Variants in THSD4 observed in about 807,000 individuals in gnomAD.
The protein encoded by THSD4 is thrombospondin type 1 domain containing 4.
THSD4 carries 69 observed loss-of-function variants against 119.0 expected under a neutral mutation model. The ratio of observed to expected loss-of-function variants is 0.58; its 90% CI spans 0.48 to 0.71. The LOEUF (loss-of-function observed/expected upper bound fraction) is 0.71. THSD4 is among the 30% of genes least tolerant of loss of function. The pLI is 0.00. For synonymous variants in THSD4, 524 were observed against 540.4 expected (o/e 0.97, Z 0.42); for missense variants, 1,393 against 1,391.1 (o/e 1.00, Z -0.02).
chr15:71,770,608 T>C (rs2053804529), intron 16 of THSD4, among the ~76,000 whole-genome samples: 1 of 152,004 alleles, frequency 6.6e-6, no homozygotes, highest in African/African-American at 2.4e-5. Flanking sequence ...CAAGCCGAGA[T>C]CACGCCACTG....
chr15:71,695,728 C>A (rs1042722143), intron 8 of THSD4, among the ~76,000 whole-genome samples: 2 of 152,162 alleles, frequency 1.3e-5, no homozygotes, highest in East Asian at 1.9e-4. Context: ...TTGCTTTCTT[C>A]TTCCTTCACA....
intron 6 of THSD4, among the ~76,000 whole-genome samples, chr15:71,333,042 T>C (rs2045446880): frequency 6.6e-6 from 1 of 151,932 alleles, no homozygotes; most frequent in Non-Finnish European, 1.5e-5. Flanking sequence ...CTAGACTCCA[T>C]TTGGGTATTC....
intron 3 of THSD4, among the ~76,000 whole-genome samples, chr15:71,210,678 A>G (rs1015309691): frequency 1.3e-5 from 2 of 152,176 alleles, no homozygotes; most frequent in African/African-American, 4.8e-5. Context: ...TAATGTTTCA[A>G]CTGAACACTT....
intron 6 of THSD4, among the ~76,000 whole-genome samples, chr15:71,302,713 C>T (rs1049872663): frequency 5.3e-5 from 8 of 152,032 alleles, no homozygotes; most frequent in Non-Finnish European, 7.4e-5. Context: ...GCAGGAAGTC[C>T]GCTTGGCTGG....
In THSD4 at chr15:71,487,305, C is replaced by T. The variant is rs1233828634; in HGVS notation, c.1152+75482C>T. Among the ~76,000 whole-genome samples, 3 of 152,198 alleles carry T rather than the reference C, an allele frequency of 2.0e-5. No individual in the cohort carries two copies. The East Asian group carries it at 5.8e-4, about 29-fold the overall frequency. ...TTGCATCAGTTCCCACTGTTGTAAG[C>T]AGGCAAGAAATTGTGTTGTTTTCCT... On this transcript the variant is annotated intron_variant, in intron 7 of 17. Transcript: ENST00000261862.
intron 5 of THSD4, among the ~76,000 whole-genome samples, chr15:71,253,189 G>C (rs548393263): frequency 6.4e-4 from 98 of 152,234 alleles, no homozygotes; most frequent in Non-Finnish European, 1.3e-3. Flanking sequence ...TTCTGCCTTA[G>C]ATGGGAACTG....
intron 16 of THSD4, 69 bp downstream of exon 16, chr15:71,765,268 C>G: frequency 6.6e-7 from 1 of 1,510,810 alleles, no homozygotes; most frequent in South Asian, 1.4e-5. Context: ...CTATAGACCC[C>G]TCTGGGCCAG....
intron 7 of THSD4, among the ~76,000 whole-genome samples, chr15:71,520,755 G>A (rs1377624719): frequency 6.6e-6 from 1 of 151,962 alleles, no homozygotes; most frequent in South Asian, 2.1e-4. Context: ...GACTAACTGA[G>A]CTCTAGACAG....
At chr15:71,367,674 A>G (rs546932616) in intron 6 of THSD4, among the ~76,000 whole-genome samples, 1 of 152,294 alleles carries the variant, frequency 6.6e-6, no homozygotes, top group African/African-American at 2.4e-5. Context: ...TTCTTAATCC[A>G]GTCTATCATT....
At chr15:71,563,274 T>G (rs988004245) in intron 7 of THSD4, among the ~76,000 whole-genome samples, 4 of 151,894 alleles carry the variant, frequency 2.6e-5, no homozygotes, top group Admixed American at 2.0e-4. Flanking sequence ...CATGGTGGAG[T>G]CTTGCTGGAG....
chr15:71,277,128 CTTTTTTT>C (rs779207517), intron 6 of THSD4, among the ~76,000 whole-genome samples: 2 of 123,020 alleles, frequency 1.6e-5, no homozygotes, highest in African/African-American at 6.7e-5. Flanking sequence ...TCTTCTTCTT[CTTTTTTT>C]TTTTTTTGAA....
intron 7 of THSD4, among the ~76,000 whole-genome samples, chr15:71,444,368 C>G (rs1326510747): frequency 6.6e-6 from 1 of 152,194 alleles, no homozygotes; most frequent in African/African-American, 2.4e-5. Context: ...CCTGAAGAGT[C>G]CCAGACTGAT....
At chr15:71,533,829 C>T (rs889123485) in intron 7 of THSD4, among the ~76,000 whole-genome samples, 3 of 152,086 alleles carry the variant, frequency 2.0e-5, no homozygotes, top group Admixed American at 6.6e-5. Flanking sequence ...ACCTACTGAT[C>T]GGGTAGGAGA....
intron 7 of THSD4, among the ~76,000 whole-genome samples, chr15:71,414,191 C>T (rs1040514835): frequency 6.6e-6 from 1 of 152,232 alleles, no homozygotes; most frequent in African/African-American, 2.4e-5. Flanking sequence ...GTACCTACGT[C>T]CTGTGTTGCG....
At chr15:71,479,287 A>G (rs954299051) in intron 7 of THSD4, among the ~76,000 whole-genome samples, 2 of 149,714 alleles carry the variant, frequency 1.3e-5, no homozygotes, top group Non-Finnish European at 2.9e-5. Flanking sequence ...CTTAAATAAC[A>G]TTCTCCATCT....
chr15:71,683,876 G>C (rs1391278376), intron 8 of THSD4, among the ~76,000 whole-genome samples: 1 of 152,148 alleles, frequency 6.6e-6, no homozygotes, highest in Non-Finnish European at 1.5e-5. Context: ...TCAGGAGGTT[G>C]AGGCATGAGA....
In THSD4 at chr15:71,396,314, A is replaced by T. The variant is rs147827065; in HGVS notation, c.1016-15373A>T. On this transcript the variant is annotated intron_variant, in intron 6 of 17. Transcript: ENST00000261862. The stretch of plus-strand genomic sequence containing the variant: ...TGCGTACATATGCACACACACACAC[A>T]CATACCTATACGTATACATACCTAT... Among the ~76,000 whole-genome samples the T allele has an allele frequency of 3.4e-3, 524 of 152,272 alleles. 4 individuals carry two copies. Among genetic ancestry groups the T allele is most frequent in the African/African-American group, 0.012 (494 of 41,536 alleles).
At chr15:71,446,139 T>C (rs1351426834) in intron 7 of THSD4, among the ~76,000 whole-genome samples, 1 of 152,204 alleles carries the variant, frequency 6.6e-6, no homozygotes, top group Admixed American at 6.5e-5. Context: ...AATTCCGCTT[T>C]CCATCCCCTG....
chr15:71,389,638 T>A (rs1381149399), intron 6 of THSD4, among the ~76,000 whole-genome samples: 1 of 152,010 alleles, frequency 6.6e-6, no homozygotes, highest in Non-Finnish European at 1.5e-5. Context: ...TTTCAGTTCT[T>A]TGAGGTATAT....
Sources: gnomAD v4.1 joint callset for allele counts (sites outside exome capture counted in the v4.1 genomes callset) on GRCh38, gnomAD v4.1.1 for gene constraint, MANE v1.5 for transcripts, NCBI Gene and HGNC (gene_info 2026-07-23, HGNC 2026-07-21) for gene names.